The following ZFHX3 variants were observed in gnomAD, a reference collection of about 807,000 sequenced individuals.
ZFHX3 encodes zinc finger homeobox protein 3.
Under a neutral mutation model 279.1 loss-of-function variants are expected in ZFHX3, and 42 were observed. The ratio of observed to expected loss-of-function variants is 0.15; its 90% CI spans 0.12 to 0.19. The LOEUF (loss-of-function observed/expected upper bound fraction) is 0.19, where lower values mean the gene tolerates loss of function less well. Among genes scored for constraint, ZFHX3 ranks in the 10% least tolerant of loss-of-function variants. ZFHX3 has a pLI of 1.00. For missense variants in ZFHX3, 4,981 were observed against 4,754.0 expected (o/e 1.05, Z -1.40); for synonymous variants, 2,293 against 1,957.8 (o/e 1.17, Z -4.52).
chr16:73,885,240 G>T (rs2030307560), intron 1 of ZFHX3, among the ~76,000 whole-genome samples: 1 of 151,884 alleles, frequency 6.6e-6, no homozygotes, highest in African/African-American at 2.4e-5. Context: ...GAGACAGGGG[G>T]GTATTAAAAA....
intron 5 of ZFHX3, among the ~76,000 whole-genome samples, chr16:73,214,518 T>C (rs1358065948): frequency 1.3e-5 from 2 of 152,210 alleles, no homozygotes; most frequent in Non-Finnish European, 2.9e-5. Context: ...AAACTAGATA[T>C]AGACCAGGAT....
intron 2 of ZFHX3, among the ~76,000 whole-genome samples, chr16:73,573,292 A>C (rs2051761001): frequency 1.3e-5 from 2 of 152,018 alleles, no homozygotes; most frequent in African/African-American, 4.8e-5. Flanking sequence ...CACCCTCCCC[A>C]ATGTGAAGGG....
intron 3 of ZFHX3, among the ~76,000 whole-genome samples, chr16:73,414,650 A>G (rs959054361): frequency 5.3e-5 from 8 of 152,200 alleles, no homozygotes; most frequent in African/African-American, 1.9e-4. Flanking sequence ...AGCCTGAGCA[A>G]CATAGGGAGA....
chr16:73,868,924 T>C (rs1962098573), intron 1 of ZFHX3, among the ~76,000 whole-genome samples: 1 of 152,218 alleles, frequency 6.6e-6, no homozygotes, highest in East Asian at 1.9e-4. Flanking sequence ...GCATTTTCAT[T>C]CTTTCTCATG....
intron 4 of ZFHX3, among the ~76,000 whole-genome samples, chr16:73,263,145 T>A (rs2013871615): frequency 6.6e-6 from 1 of 152,086 alleles, no homozygotes; most frequent in Admixed American, 6.5e-5. Flanking sequence ...AACCCAATGA[T>A]AGCCTCTTTT....
In ZFHX3 at chr16:73,046,565, A is replaced by G. The variant is rs568422726; in HGVS notation, c.-50+1187T>C. Among the ~76,000 whole-genome samples, 470 of 152,248 alleles carry G rather than the reference A, an allele frequency of 3.1e-3. 7 individuals carry two copies. Among genetic ancestry groups the G allele is most frequent in the Admixed American group, 3.0e-3 (46 of 15,296 alleles). ...TGAAGATTTGACACCTCCTGAATTCAGGAATGAGGGAACTCGAGGGGCCAA... is the reference window on the plus strand; with the variant it reads ...TGAAGATTTGACACCTCCTGAATTCGGGAATGAGGGAACTCGAGGGGCCAA... On this transcript the variant is annotated intron_variant, in intron 1 of 9. Transcript: ENST00000268489.
At chr16:72,832,756 G>C (rs867126890) in intron 4 of ZFHX3, among the ~76,000 whole-genome samples, 2 of 152,302 alleles carry the variant, frequency 1.3e-5, no homozygotes, top group East Asian at 3.9e-4. Flanking sequence ...GCATGGCGAG[G>C]CCCGGAAGGG....
At chr16:73,309,333 C>T (rs945362685) in intron 4 of ZFHX3, among the ~76,000 whole-genome samples, 2 of 152,058 alleles carry the variant, frequency 1.3e-5, no homozygotes, top group African/African-American at 4.8e-5. Context: ...TGTGATATTT[C>T]GTTTTCTGTT....
At chr16:73,296,069 CGTGTGTGTGT>C (rs58283675) in intron 4 of ZFHX3, among the ~76,000 whole-genome samples, 30 of 149,078 alleles carry the variant, frequency 2.0e-4, no homozygotes, top group East Asian at 1.2e-3. Context: ...ATTACAATCC[CGTGTGTGTGT>C]GTGTGTGTGT....
chr16:73,079,017 A>C (rs1965915256), intron 8 of ZFHX3, among the ~76,000 whole-genome samples: 1 of 151,530 alleles, frequency 6.6e-6, no homozygotes, highest in Non-Finnish European at 1.5e-5. Flanking sequence ...GCCTTTTACC[A>C]CCTCCTCTTT....
chr16:73,804,918 G>A (rs866197696), intron 1 of ZFHX3, among the ~76,000 whole-genome samples: 3 of 127,720 alleles, frequency 2.3e-5, no homozygotes, highest in African/African-American at 8.7e-5. Flanking sequence ...AGGGAGGGGA[G>A]GGAGAGGGAG....
chr16:73,390,091 C>T (rs2016982064), intron 3 of ZFHX3, among the ~76,000 whole-genome samples: 1 of 152,144 alleles, frequency 6.6e-6, no homozygotes, highest in Admixed American at 6.6e-5. Context: ...AAAAATAAAG[C>T]ATCAAGTATC....
chr16:72,923,053 A>ACAACATCGCTTCCACAGCC (rs1354212013), intron 3 of ZFHX3, among the ~76,000 whole-genome samples: 6 of 152,104 alleles, frequency 3.9e-5, no homozygotes, highest in African/African-American at 1.5e-4. Flanking sequence ...ACATCAGAGT[A>ACAACATCGCTTCCACAGCC]TATGTGTATA....
chr16:72,888,019 TAGAA>T (rs2038674108), intron 4 of ZFHX3, among the ~76,000 whole-genome samples: 1 of 152,004 alleles, frequency 6.6e-6, no homozygotes, highest in African/African-American at 2.4e-5. Context: ...TCTGCCCAGG[TAGAA>T]AGCCAAGAGG....
At chr16:73,791,194 G>A (rs1959811563) in intron 1 of ZFHX3, among the ~76,000 whole-genome samples, 1 of 152,164 alleles carries the variant, frequency 6.6e-6, no homozygotes, top group Admixed American at 6.5e-5. Context: ...CAAATGCCTG[G>A]ACTCAAGCAA....
chr16:73,798,840 T>C (rs1018220811), intron 1 of ZFHX3, among the ~76,000 whole-genome samples: 1 of 152,206 alleles, frequency 6.6e-6, no homozygotes, highest in African/African-American at 2.4e-5. Flanking sequence ...TGGAGGGGGA[T>C]GAGCTTGTCC....
At chr16:73,045,651 T>TTATTAC (rs1045296667) in intron 1 of ZFHX3, among the ~76,000 whole-genome samples, 5 of 117,136 alleles carry the variant, frequency 4.3e-5, no homozygotes, top group Admixed American at 7.8e-5. Flanking sequence ...ATTATTATTA[T>TTATTAC]TATTATTATT....
chr16:73,448,295 C>T (rs1296090035), intron 3 of ZFHX3, among the ~76,000 whole-genome samples: 1 of 152,188 alleles, frequency 6.6e-6, no homozygotes, highest in Non-Finnish European at 1.5e-5. Flanking sequence ...GGGAAAACAA[C>T]TATCTTTTTT....
chr16:73,247,487 T>A (rs1326011126), intron 5 of ZFHX3, among the ~76,000 whole-genome samples: 1 of 151,382 alleles, frequency 6.6e-6, no homozygotes, highest in East Asian at 1.9e-4. Flanking sequence ...TGTCTGTGTA[T>A]ATGTATTTGT....
Sources: gnomAD v4.1 joint callset for allele counts (sites outside exome capture counted in the v4.1 genomes callset) on GRCh38, gnomAD v4.1.1 for gene constraint, MANE v1.5 for transcripts, NCBI Gene and HGNC (gene_info 2026-07-23, HGNC 2026-07-21) for gene names.